The following MTX2 variants were observed in gnomAD, a reference collection of about 807,000 sequenced individuals.
The protein encoded by MTX2 is metaxin-2.
A neutral mutation model predicts 42.3 loss-of-function variants in MTX2; 35 were observed. That is an observed-to-expected ratio of 0.83 (90% CI 0.63 to 1.10). The LOEUF (loss-of-function observed/expected upper bound fraction) is 1.10, where lower values mean the gene tolerates loss of function less well. Ranked by LOEUF, MTX2 falls within the 50% of genes least tolerant of loss-of-function variation. The pLI is 0.00. For missense variants in MTX2, 307 were observed against 304.1 expected, an observed-to-expected ratio of 1.01 and a Z score of -0.07; for synonymous variants, 119 against 100.9, an observed-to-expected ratio of 1.18 and a Z score of -1.08.
At chr2:176,295,520 C>A (rs141433273) in intron 1 of MTX2, among the ~76,000 whole-genome samples, 7 of 152,028 alleles carry the variant, frequency 4.6e-5, no homozygotes, top group Admixed American at 2.6e-4. Context: ...CAGTCCCTTA[C>A]GTATATGTGT....
At chr2:176,323,315 A>G in intron 3 of MTX2, 77 bp from the exon 4 acceptor site, 1 of 1,214,802 alleles carries the variant, frequency 8.2e-7, no homozygotes, top group African/African-American at 1.5e-5. Context: ...TCAGTTTAGA[A>G]AAGAAATGCA....
rs1358220357 is a variant in MTX2, at chr2:176,285,743, TC to T, written c.41-11115del. 1.2e-4 allele frequency among the ~76,000 whole-genome samples: 19 copies of T among 152,336 alleles called. No homozygotes were observed. In the East Asian group the frequency reaches 2.7e-3, roughly 22 times the overall value. The stretch of plus-strand genomic sequence containing the variant: ...GTTCTTTCTTATTGCCAAATAGTAT[TC>T]CATCATATGGATATGCTGCATTATG... On this transcript the variant is annotated intron_variant, in intron 1 of 9. Transcript: ENST00000249442.
At chr2:176,301,850 C>G (rs891856703) in intron 3 of MTX2, among the ~76,000 whole-genome samples, 1 of 151,996 alleles carries the variant, frequency 6.6e-6, no homozygotes, top group African/African-American at 2.4e-5. Context: ...AGTCTTACCT[C>G]TATAATATTA....
chr2:176,295,370 T>C (rs1200789925), intron 1 of MTX2, among the ~76,000 whole-genome samples: 1 of 152,022 alleles, frequency 6.6e-6, no homozygotes, highest in Non-Finnish European at 1.5e-5. Context: ...AGTAATTGGC[T>C]AATGTCAGCT....
intron 9 of MTX2, among the ~76,000 whole-genome samples, chr2:176,336,548 G>A (rs1558948053): frequency 6.6e-6 from 1 of 151,958 alleles, no homozygotes; most frequent in South Asian, 2.1e-4. Context: ...TATAATTTAT[G>A]TTTCATGTAC....
At chr2:176,327,483 T>C (rs1291639248) in intron 5 of MTX2, among the ~76,000 whole-genome samples, 2 of 150,738 alleles carry the variant, frequency 1.3e-5, no homozygotes, top group African/African-American at 4.8e-5. Flanking sequence ...AATTCTTCCA[T>C]ATTAATAGCT....
chr2:176,269,541 C>A lies in MTX2; in HGVS notation c.-89C>A. On this transcript the variant is annotated 5_prime_UTR_variant, in exon 1 of 10. Coordinates refer to ENST00000249442, the MANE Select transcript of MTX2 (RefSeq NM_006554.5). ...GTCTGAACGTTGGCGGGGCTAGGCTCGTTAACTGCCGAGAGCCTCCGGGTT... is the reference window on the plus strand; with the variant it reads ...GTCTGAACGTTGGCGGGGCTAGGCTAGTTAACTGCCGAGAGCCTCCGGGTT... 1 of 1,417,004 alleles carries A rather than the reference C, an allele frequency of 7.1e-7. No individual in the cohort carries two copies. Among genetic ancestry groups the A allele is most frequent in the Non-Finnish European group, 9.5e-7 (1 of 1,057,370 alleles). The allele number at this position is 1,417,004 out of a possible 1,614,324, so 87.8% of individuals were successfully genotyped here.
In MTX2 at chr2:176,286,946, G is replaced by A. The variant is rs148226887; in HGVS notation, c.41-9914G>A. Among the ~76,000 whole-genome samples the A allele has an allele frequency of 2.0e-3, 311 of 152,310 alleles. 3 individuals carry two copies. Among genetic ancestry groups the A allele is most frequent in the African/African-American group, 7.1e-3 (296 of 41,572 alleles). ...TGGAATATTATTTGAGTTATTTGCC[G>A]TAGTTCAGTAAATTGGAATTCATTT... is the stretch of plus-strand genomic sequence containing the variant. On this transcript the variant is annotated intron_variant, in intron 1 of 9. Coordinates refer to ENST00000249442, the MANE Select transcript of MTX2 (RefSeq NM_006554.5).
chr2:176,326,980 G>T, intron 5 of MTX2, 79 bp downstream of exon 5: 1 of 781,778 alleles, frequency 1.3e-6, no homozygotes, highest in Non-Finnish European at 2.0e-6. Flanking sequence ...CATTTACATT[G>T]ATTTCAACCT....
At chr2:176,333,294 T>C (rs756179138) in intron 9 of MTX2, among the ~76,000 whole-genome samples, 2 of 151,588 alleles carry the variant, frequency 1.3e-5, no homozygotes, top group Non-Finnish European at 3.0e-5. Flanking sequence ...TCACGTGATA[T>C]AGCAAGATAA....
At chr2:176,330,784 T>C (rs1481089874) in intron 9 of MTX2, 124 bp downstream of exon 9, 2 of 681,142 alleles carry the variant, frequency 2.9e-6, no homozygotes, top group South Asian at 2.2e-5. Flanking sequence ...TGTACTCAAA[T>C]ATTTTTGTGG....
chr2:176,324,982 CAGA>C (rs1684675512), intron 4 of MTX2, among the ~76,000 whole-genome samples: 1 of 151,632 alleles, frequency 6.6e-6, no homozygotes, highest in African/African-American at 2.4e-5. Context: ...ATGGACTAGT[CAGA>C]AGACCAGTTG....
intron 9 of MTX2, among the ~76,000 whole-genome samples, chr2:176,332,902 CAA>C (rs973637874): frequency 6.6e-6 from 1 of 150,778 alleles, no homozygotes; most frequent in Non-Finnish European, 1.5e-5. Context: ...ATAAGCAAAG[CAA>C]AAAATATGAG....
chr2:176,291,427 G>A (rs1379473821), intron 1 of MTX2, among the ~76,000 whole-genome samples: 1 of 152,158 alleles, frequency 6.6e-6, no homozygotes, highest in Non-Finnish European at 1.5e-5. Context: ...TTCTAGGGAT[G>A]AAATGGTAAG....
intron 5 of MTX2, 23 bp downstream of exon 5, chr2:176,326,924 ATT>A (rs1356316819): frequency 7.4e-7 from 1 of 1,345,748 alleles, no homozygotes; most frequent in Non-Finnish European, 1.0e-6. Context: ...TATTAAATGT[ATT>A]TGATCAGTTA....
chr2:176,313,630 T>C (rs912029499), intron 3 of MTX2, among the ~76,000 whole-genome samples: 3 of 152,072 alleles, frequency 2.0e-5, no homozygotes, highest in African/African-American at 7.2e-5. Flanking sequence ...TGACCTCAAA[T>C]AATCCACCCG....
chr2:176,293,782 A>G (rs1393865224), intron 1 of MTX2, among the ~76,000 whole-genome samples: 1 of 152,204 alleles, frequency 6.6e-6, no homozygotes, highest in Non-Finnish European at 1.5e-5. Context: ...TCTTTACAAC[A>G]GTGCCAACAG....
At chr2:176,314,385 C>A (rs959441502) in intron 3 of MTX2, among the ~76,000 whole-genome samples, 1 of 151,162 alleles carries the variant, frequency 6.6e-6, no homozygotes, top group Non-Finnish European at 1.5e-5. Flanking sequence ...TATGGTGAGT[C>A]GAGATTGCAC....
At chr2:176,317,480 A>G (rs548918522) in intron 3 of MTX2, among the ~76,000 whole-genome samples, 7 of 152,256 alleles carry the variant, frequency 4.6e-5, no homozygotes, top group South Asian at 2.1e-4. Context: ...TCAAGTATCT[A>G]TTGATCTCTG....
Sources: allele counts gnomAD v4.1 joint callset (sites outside exome capture counted in the v4.1 genomes callset), GRCh38; gene constraint gnomAD v4.1.1; transcripts MANE v1.5; gene names NCBI Gene and HGNC (gene_info 2026-07-23, HGNC 2026-07-21).